SLC3A2: variants seen among roughly 807,000 people sequenced by gnomAD.
SLC3A2 encodes amino acid transporter heavy chain SLC3A2.
A neutral mutation model predicts 48.5 loss-of-function variants in SLC3A2; 32 were observed. The ratio of observed to expected loss-of-function variants is 0.66; its 90% CI spans 0.50 to 0.89. The LOEUF is 0.89. SLC3A2 is among the 40% of genes least tolerant of loss of function. The pLI, the probability that SLC3A2 is intolerant of heterozygous loss-of-function variation, is 0.00. For missense variants in SLC3A2, 587 were observed against 680.7 expected (o/e 0.86, Z 1.53); for synonymous variants, 277 against 288.8 (o/e 0.96, Z 0.41).
In SLC3A2 at chr11:62,882,974, T is replaced by C; in HGVS notation, c.665T>C (p.Val222Ala). The change falls in exon 3 of 9, where the codon GTT becomes GCT. Residue 222 changes from valine to alanine, a missense_variant. Physicochemically the swap from Val to Ala is moderately conservative, Grantham distance 64. Transcript: ENST00000338663. ...GAGAACTCGTGGTTCTCCACTCAGG[T>C]TGACACTGTGGCCACCAAGGTGAAG... is the stretch of plus-strand genomic sequence containing the variant. The part of the protein sequence containing the change: ...RGENSWFSTQ[V>A]DTVATKVKDA... 2 of 1,614,204 alleles carry C rather than the reference T, an allele frequency of 1.2e-6. No homozygotes were observed. Among genetic ancestry groups the C allele is most frequent in the South Asian group, 1.1e-5 (1 of 91,084 alleles).
rs1228209613 is a variant in SLC3A2, at chr11:62,869,599, C to G, written c.113-11420C>G. Among the ~76,000 whole-genome samples, 3 of 137,966 alleles carry G rather than the reference C, an allele frequency of 2.2e-5. No individual in the cohort carries two copies. The Admixed American group carries it at 2.2e-4, about 10-fold the overall frequency. The allele number at this position is 137,966 out of a possible 152,430, so 90.5% of individuals were successfully genotyped here. A position where few individuals can be genotyped will look rare whatever the true frequency, so the allele number is the denominator to read the frequency against. ...TTTCTTGATGATTATTGGTTTTTTT[C>G]GTACTGGTTTTTAGTGATAATTTAT... On this transcript the variant is annotated intron_variant, in intron 1 of 9. Transcript: ENST00000377889.
chr11:62,864,713 G>A (rs939250805), intron 1 of SLC3A2, among the ~76,000 whole-genome samples: 5 of 151,452 alleles, frequency 3.3e-5, no homozygotes, highest in Admixed American at 2.0e-4. Context: ...TGATCCGCCC[G>A]CCTCGGCCTC....
At chr11:62,883,213 TGA>T in intron 3 of SLC3A2, 2 of 531,730 alleles carry the variant, frequency 3.8e-6, no homozygotes, top group East Asian at 3.1e-5. Context: ...CTTATTTCCT[TGA>T]CTCTGAGGAT....
rs2085695083 is a variant in SLC3A2, at chr11:62,885,262, T to C, written c.904T>C (p.Ser302Pro). 1.2e-6 allele frequency: 2 copies of C among 1,614,106 alleles called. No individual in the cohort carries two copies. Among genetic ancestry groups the C allele is most frequent in the Non-Finnish European group, 8.5e-7 (1 of 1,180,054 alleles). ...ESNKDLLLTS[S>P]YLSDSGSTGE... ...CAACAAAGACTTGCTGTTGACTAGC[T>C]CATACCTGTCTGATTCTGGTTCTAC... Residue 302 changes from serine to proline, a missense_variant, in exon 6 of 9, where the codon TCA (serine) becomes CCA (proline). By Grantham distance (74) the Ser-to-Pro change is moderately conservative (BLOSUM62 -1). Transcript: ENST00000338663.
At chr11:62,873,795 A>C (rs2085542549) in intron 1 of SLC3A2, among the ~76,000 whole-genome samples, 6 of 151,546 alleles carry the variant, frequency 4.0e-5, no homozygotes. Flanking sequence ...TTTTTTGTTT[A>C]TTTCTAATTT....
upstream of SLC3A2, among the ~76,000 whole-genome samples, chr11:62,879,252 G>C (rs1246730183): frequency 6.6e-6 from 1 of 152,138 alleles, no homozygotes; most frequent in Non-Finnish European, 1.5e-5. Context: ...CACCCAGCCA[G>C]GCCCAGATAA....
chr11:62,882,303 G>A, intron 2 of SLC3A2: 2 of 485,946 alleles, frequency 4.1e-6, no homozygotes, highest in East Asian at 3.6e-5. Flanking sequence ...GCCCTTATTT[G>A]CAAAATATAG....
chr11:62,880,853 G>A (rs1288302292), upstream of SLC3A2: 3 of 1,376,582 alleles, frequency 2.2e-6, no homozygotes, highest in Non-Finnish European at 2.8e-6. Flanking sequence ...GGCCGGGGCG[G>A]GGCTCCGCTG....
At chr11:62,865,104 A>C (rs939302921) in intron 1 of SLC3A2, among the ~76,000 whole-genome samples, 6 of 152,106 alleles carry the variant, frequency 3.9e-5, no homozygotes, top group African/African-American at 1.4e-4. Flanking sequence ...AAAATCCTCA[A>C]AGTGTTTAGG....
chr11:62,858,345 CTG>C (rs2085361017), intron 1 of SLC3A2, among the ~76,000 whole-genome samples: 1 of 152,156 alleles, frequency 6.6e-6, no homozygotes, highest in Non-Finnish European at 1.5e-5. Context: ...AATATTGTCT[CTG>C]TGTGATCAGA....
At position 62,856,147 on chromosome 11, in the gene SLC3A2, G is replaced by A. The variant is rs533926618; in HGVS notation, c.-123G>A. 54 of 712,082 alleles carry A rather than the reference G, an allele frequency of 7.6e-5. 1 individual carries two copies. In the South Asian group the frequency reaches 1.1e-3, roughly 14 times the overall value. The allele number at this position is 712,082 out of a possible 1,614,324, so 44.1% of individuals were successfully genotyped here. On this transcript the variant is annotated 5_prime_UTR_variant, in exon 1 of 10. Transcript: ENST00000377889. ...GTTTTCTCACCCAGTGCATGTGGCA[G>A]GAGCGGTGAGATCACTGCCTCACGG...
Position 62,881,692 on chromosome 11 carries a change from A to G in SLC3A2, c.425-201A>G. ...CAGCGTCCTCCTTCCCCGCGGCGCC[A>G]GAAGCCAGTTGCAACCGGTTTCTGA... On this transcript the variant is annotated intron_variant, in intron 1 of 8. Transcript: ENST00000338663. The surrounding 1 kb of genome is among the most constrained non-coding windows in gnomAD (Gnocchi z 4.0). The G allele has an allele frequency of 1.2e-6, 1 of 841,454 alleles. No individual in the cohort carries two copies. Among genetic ancestry groups the G allele is most frequent in the Non-Finnish European group, 1.8e-6 (1 of 562,538 alleles). The allele number at this position is 841,454 out of a possible 1,614,324, so 52.1% of individuals were successfully genotyped here. A position where few individuals can be genotyped will look rare whatever the true frequency, so the allele number is the denominator to read the frequency against.
chr11:62,872,213 C>T (rs1409096798), intron 1 of SLC3A2, among the ~76,000 whole-genome samples: 3 of 152,160 alleles, frequency 2.0e-5, no homozygotes, highest in Non-Finnish European at 2.9e-5. Flanking sequence ...TGCACCTGGC[C>T]CTCTGCTTTT....
In SLC3A2 at chr11:62,885,474, G is replaced by C. The variant is rs772394319; in HGVS notation, c.1009G>C (p.Ala337Pro). Residue 337 changes from alanine to proline, a missense_variant, in exon 7 of 9, where the codon GCA (alanine) becomes CCA (proline). Physicochemically the swap from Ala to Pro is conservative, Grantham distance 27. This residue lies in a region of SLC3A2 where 409 missense variants were observed against 446.7 expected (regional missense o/e 0.92). Coordinates refer to ENST00000338663, the MANE Select transcript of SLC3A2 (RefSeq NM_001013251.3). Reference sequence around the variant, plus strand: ...GTGTCTCTCCCTGTAGTTGTCTCAGGCAAGGCTCCTGACTTCCTTCTTGCC... The same window carrying C: ...GTGTCTCTCCCTGTAGTTGTCTCAGCCAAGGCTCCTGACTTCCTTCTTGCC... ...NRWCSWSLSQ[A>P]RLLTSFLPAQ... 1.2e-6 allele frequency: 2 copies of C among 1,614,172 alleles called. No homozygotes were observed. The highest frequency in any genetic ancestry group is 1.6e-4 in the Middle Eastern group (1 of 6,062).
chr11:62,866,284 A>C (rs2085452011), intron 1 of SLC3A2, among the ~76,000 whole-genome samples: 1 of 151,420 alleles, frequency 6.6e-6, no homozygotes, highest in South Asian at 2.1e-4. Context: ...TCCCCAGCTA[A>C]TTTTTGTATT....
chr11:62,876,820 T>C (rs919127428), upstream of SLC3A2: 3 of 680,550 alleles, frequency 4.4e-6, no homozygotes, highest in Non-Finnish European at 6.1e-6. Context: ...CAGGCTGATA[T>C]TGAATTCCTG....
At chr11:62,872,482 T>G (rs980677761) in intron 1 of SLC3A2, among the ~76,000 whole-genome samples, 1 of 152,142 alleles carries the variant, frequency 6.6e-6, no homozygotes, top group African/African-American at 2.4e-5. Flanking sequence ...ATTACTGCAC[T>G]CCAGCCTGGG....
chr11:62,868,567 A>G (rs1449295695), intron 1 of SLC3A2, among the ~76,000 whole-genome samples: 5 of 151,526 alleles, frequency 3.3e-5, no homozygotes, highest in East Asian at 2.0e-4. Flanking sequence ...GGGTTTCACC[A>G]TGTTAGCCAG....
intron 6 of SLC3A2, 21 bp downstream of exon 6, chr11:62,885,378 A>C (rs780698607): frequency 6.2e-7 from 1 of 1,613,938 alleles, no homozygotes; most frequent in Non-Finnish European, 8.5e-7. Flanking sequence ...TGCTGGTGGG[A>C]AAGGGGGCAG....
Sources: gnomAD v4.1 joint callset for allele counts (sites outside exome capture counted in the v4.1 genomes callset) on GRCh38, gnomAD v4.1.1 for gene constraint, gnomAD v4.1.1 regional missense constraint, Gnocchi (gnomAD v3.1) non-coding constraint, MANE v1.5 for transcripts, NCBI Gene and HGNC (gene_info 2026-07-23, HGNC 2026-07-21) for gene names.